Variants in OVCH1 observed in about 807,000 individuals in gnomAD.
OVCH1 encodes ovochymase-1.
A neutral mutation model predicts 138.4 loss-of-function variants in OVCH1; 139 were observed. The observed-to-expected ratio is 1.00, with a 90% CI of 0.87 to 1.16. The LOEUF (loss-of-function observed/expected upper bound fraction) is 1.16. OVCH1 is among the 50% of genes most tolerant of loss of function. The pLI is 0.00. For synonymous variants in OVCH1, 453 were observed against 467.8 expected (o/e 0.97, Z 0.41); for missense variants, 1,367 against 1,357.9 (o/e 1.01, Z -0.11).
Position 29,494,479 on chromosome 12 carries a change from T to C in OVCH1, c.454+806A>G, listed in dbSNP as rs559990545. ...AATATTTTCAAATGTTTCGAGCTTT[T>C]TTGTTAGAGATGAATATAGGTAGGT... is the stretch of plus-strand genomic sequence containing the variant. On this transcript the variant is annotated intron_variant, in intron 4 of 27. Coordinates refer to ENST00000318184, the Ensembl canonical transcript of OVCH1. Among the ~76,000 whole-genome samples, 267 of 152,286 alleles carry C rather than the reference T, an allele frequency of 1.8e-3. 1 individual carries two copies. Among genetic ancestry groups the C allele is most frequent in the Middle Eastern group, 6.8e-3 (2 of 294 alleles).
chr12:29,472,508 T>C (rs763892678), intron 15 of OVCH1, among the ~76,000 whole-genome samples: 20 of 152,180 alleles, frequency 1.3e-4, no homozygotes, highest in Admixed American at 6.5e-5. Context: ...GCCCAAGCAC[T>C]AATCTCTAGG....
At chr12:29,428,271 G>A (rs1369829936) in intron 27 of OVCH1, among the ~76,000 whole-genome samples, 3 of 152,174 alleles carry the variant, frequency 2.0e-5, no homozygotes, top group Non-Finnish European at 2.9e-5. Context: ...GATAGCCATC[G>A]TAAAATTGCT....
chr12:29,477,895 G>C (rs1942797159), intron 9 of OVCH1, among the ~76,000 whole-genome samples: 1 of 152,168 alleles, frequency 6.6e-6, no homozygotes, highest in East Asian at 1.9e-4. Flanking sequence ...TCCAGTACCT[G>C]CTATGATATA....
chr12:29,428,076 C>G (rs935272576), intron 27 of OVCH1, among the ~76,000 whole-genome samples: 1 of 152,180 alleles, frequency 6.6e-6, no homozygotes, highest in Admixed American at 6.5e-5. Flanking sequence ...GTTGGACATA[C>G]ACTGTCTCAC....
chr12:29,412,292 A>G (rs12809478), downstream of OVCH1, among the ~76,000 whole-genome samples: 85,373 of 151,588 alleles, frequency 0.56, 26,096 homozygotes, highest in Middle Eastern at 0.77. Context: ...GCTTCGGCTC[A>G]CGCACGGTGA....
intron 21 of OVCH1, among the ~76,000 whole-genome samples, 181 bp from the exon 22 acceptor site, chr12:29,451,750 G>A (rs1291780039): frequency 6.6e-6 from 1 of 152,154 alleles, no homozygotes; most frequent in African/African-American, 2.4e-5. Context: ...TTCTTGAAAT[G>A]ATATTATAGA....
At position 29,489,774 on chromosome 12, in the gene OVCH1, G is replaced by A. The variant is rs1452435858; in HGVS notation, c.551-3C>T. The A allele has an allele frequency of 2.5e-6, 4 of 1,607,876 alleles. No individual in the cohort carries two copies. The highest frequency in any genetic ancestry group is 3.4e-6 in the Non-Finnish European group (4 of 1,177,018). ...TAGGACATTTGAATATTCTGATGCT[G>A]TAGAGAGAGGACAGATAAGTTAGCA... On this transcript the variant is annotated splice_region_variant and splice_polypyrimidine_tract_variant and intron_variant, in intron 5 of 27. Transcript: ENST00000318184.
chr12:29,441,101 G>C (rs1416473911), intron 25 of OVCH1, among the ~76,000 whole-genome samples: 1 of 152,126 alleles, frequency 6.6e-6, no homozygotes, highest in Non-Finnish European at 1.5e-5. Flanking sequence ...ATATCCCATG[G>C]TGTCCAGAAA....
At chr12:29,457,387 A>ATTT (rs57856732) in intron 19 of OVCH1, among the ~76,000 whole-genome samples, 8 of 68,866 alleles carry the variant, frequency 1.2e-4, no homozygotes, top group African/African-American at 3.1e-4. Flanking sequence ...AAACAAATGA[A>ATTT]TTTTTTTTTT....
rs146511795 is a variant in OVCH1, at chr12:29,491,835, G to T, written c.455-643C>A. 1.7e-3 allele frequency among the ~76,000 whole-genome samples: 255 copies of T among 152,288 alleles called. 2 individuals are homozygous for T. Among genetic ancestry groups the T allele is most frequent in the African/African-American group, 6.0e-3 (248 of 41,566 alleles). On this transcript the variant is annotated intron_variant, in intron 4 of 27. Transcript: ENST00000318184. ...GGAAAAAAACATATTACCAAAAATG[G>T]AATGTTCTTGATTTCTCAACAGCAG... is the stretch of plus-strand genomic sequence containing the variant.
chr12:29,436,134 TTTATA>T (rs1159484845), intron 26 of OVCH1, among the ~76,000 whole-genome samples: 17 of 152,168 alleles, frequency 1.1e-4, no homozygotes, highest in Middle Eastern at 3.4e-3. Flanking sequence ...AAATTTATAA[TTTATA>T]TTATATTTTT....
At chr12:29,486,465 C>T in intron 7 of OVCH1, 117 bp from the exon 8 acceptor site, 1 of 786,400 alleles carries the variant, frequency 1.3e-6, no homozygotes, top group Non-Finnish European at 2.0e-6. Flanking sequence ...AAAATCAATG[C>T]AGAGGGAATC....
exon 17 of OVCH1, chr12:29,465,208 G>A: frequency 6.3e-7 from 1 of 1,599,974 alleles, no homozygotes; most frequent in Non-Finnish European, 8.5e-7. Context: ...CCAGGAGAGT[G>A]GATTATTCTT....
At chr12:29,430,091 A>G (rs1052379458) in intron 27 of OVCH1, among the ~76,000 whole-genome samples, 2 of 152,256 alleles carry the variant, frequency 1.3e-5, no homozygotes, top group Non-Finnish European at 2.9e-5. Context: ...TTTCACAATC[A>G]TAAGATACAG....
At chr12:29,456,455 G>C (rs1338720505) in intron 19 of OVCH1, among the ~76,000 whole-genome samples, 2 of 152,306 alleles carry the variant, frequency 1.3e-5, no homozygotes, top group East Asian at 3.9e-4. Context: ...GCACTAAGAA[G>C]CTCTCGTAGA....
chr12:29,475,695 C>T (rs7302700), intron 13 of OVCH1, among the ~76,000 whole-genome samples: 23,651 of 152,088 alleles, frequency 0.16, 1,974 homozygotes, highest in African/African-American at 0.22. Flanking sequence ...CAAAAACATC[C>T]AGCTGAGGGA....
chr12:29,496,338 C>G, intron 2 of OVCH1, 60 bp from the exon 3 acceptor site: 1 of 1,362,088 alleles, frequency 7.3e-7, no homozygotes, highest in Non-Finnish European at 1.0e-6. Flanking sequence ...GTATCTCCAT[C>G]GGAAACACTG....
chr12:29,434,370 A>G (rs1941320919), intron 26 of OVCH1, among the ~76,000 whole-genome samples: 1 of 152,218 alleles, frequency 6.6e-6, no homozygotes, highest in South Asian at 2.1e-4. Flanking sequence ...CAGGTTTAGC[A>G]TGAGGCCTCC....
chr12:29,463,408 G>T (rs1215148053), intron 18 of OVCH1, among the ~76,000 whole-genome samples: 4 of 152,152 alleles, frequency 2.6e-5, no homozygotes, highest in Non-Finnish European at 4.4e-5. Flanking sequence ...ACTTCAGAAA[G>T]CAGAGCAAGC....
Sources: gnomAD v4.1 joint callset for allele counts (sites outside exome capture counted in the v4.1 genomes callset) on GRCh38, gnomAD v4.1.1 for gene constraint, MANE v1.5 for transcripts, NCBI Gene and HGNC (gene_info 2026-07-23, HGNC 2026-07-21) for gene names.